ZNF804B: variants seen among roughly 807,000 people sequenced by gnomAD.
The protein encoded by ZNF804B is zinc finger 804B.
Under a neutral mutation model 101.4 loss-of-function variants are expected in ZNF804B, and 80 were observed. That is an observed-to-expected ratio of 0.79 (90% CI 0.66 to 0.95). The LOEUF (loss-of-function observed/expected upper bound fraction) is 0.95. Among genes scored for constraint, ZNF804B ranks in the 40% least tolerant of loss-of-function variants. The pLI, the probability that ZNF804B is intolerant of heterozygous loss-of-function variation, is 0.00. For missense variants in ZNF804B, 1,673 were observed against 1,561.9 expected, an observed-to-expected ratio of 1.07 and a Z score of -1.20; for synonymous variants, 622 against 558.8, an observed-to-expected ratio of 1.11 and a Z score of -1.59.
At chr7:88,872,835 T>C (rs2115884392) in intron 1 of ZNF804B, among the ~76,000 whole-genome samples, 1 of 150,268 alleles carries the variant, frequency 6.7e-6, no homozygotes, top group South Asian at 2.1e-4. Flanking sequence ...TTCCATGGTG[T>C]ATATGTGCCA....
intron 1 of ZNF804B, among the ~76,000 whole-genome samples, chr7:89,143,755 G>A (rs1443741444): frequency 6.6e-6 from 1 of 151,940 alleles, no homozygotes; most frequent in Non-Finnish European, 1.5e-5. Context: ...TCTCAAACTA[G>A]ATTCTGTTCA....
At chr7:89,277,426 C>A (rs1460429122) in intron 2 of ZNF804B, among the ~76,000 whole-genome samples, 1 of 140,028 alleles carries the variant, frequency 7.1e-6, no homozygotes, top group Admixed American at 7.3e-5. Flanking sequence ...GCGCTGCACC[C>A]ACTAACTTGT....
intron 2 of ZNF804B, among the ~76,000 whole-genome samples, chr7:89,288,894 A>T (rs189598424): frequency 3.3e-5 from 5 of 152,328 alleles, no homozygotes; most frequent in Admixed American, 6.5e-5. Context: ...ATATTTTTGT[A>T]TCTCTAAAGT....
chr7:88,971,018 T>TA (rs1562847477), intron 1 of ZNF804B, among the ~76,000 whole-genome samples: 6 of 149,956 alleles, frequency 4.0e-5, no homozygotes, highest in Admixed American at 6.7e-5. Flanking sequence ...AAATAAAGAA[T>TA]AAAAAAATAA....
chr7:89,193,273 GTT>G (rs35218765), intron 1 of ZNF804B, among the ~76,000 whole-genome samples: 2 of 145,812 alleles, frequency 1.4e-5, no homozygotes, highest in African/African-American at 5.0e-5. Context: ...CAAAAGCTTC[GTT>G]TTTTTTTTTT....
chr7:89,238,675 C>T (rs988744218), intron 2 of ZNF804B, among the ~76,000 whole-genome samples: 4 of 152,096 alleles, frequency 2.6e-5, no homozygotes, highest in South Asian at 2.1e-4. Context: ...AAAGCTTGTA[C>T]GTATCATGCT....
At chr7:89,065,847 A>G (rs1023406360) in intron 1 of ZNF804B, among the ~76,000 whole-genome samples, 4 of 152,000 alleles carry the variant, frequency 2.6e-5, no homozygotes, top group African/African-American at 7.3e-5. Context: ...TCCCTTTATA[A>G]AGACTCTTAC....
chr7:89,155,247 C>T (rs1790940124), intron 1 of ZNF804B, among the ~76,000 whole-genome samples: 1 of 152,146 alleles, frequency 6.6e-6, no homozygotes, highest in South Asian at 2.1e-4. Flanking sequence ...TGTTACTTCA[C>T]ACTGGATAAA....
chr7:88,775,096 T>C (rs1285011070), intron 1 of ZNF804B, among the ~76,000 whole-genome samples: 2 of 152,204 alleles, frequency 1.3e-5, no homozygotes, highest in Non-Finnish European at 2.9e-5. Context: ...AACAAACAGA[T>C]TTTTATTTCT....
chr7:89,209,678 G>T (rs1030656845), intron 1 of ZNF804B, among the ~76,000 whole-genome samples: 1 of 152,114 alleles, frequency 6.6e-6, no homozygotes, highest in Admixed American at 6.5e-5. Flanking sequence ...CTAATTCTCC[G>T]TGATATGAAT....
chr7:89,306,738 G>T (rs1310579532), intron 2 of ZNF804B, among the ~76,000 whole-genome samples: 3 of 151,932 alleles, frequency 2.0e-5, no homozygotes, highest in African/African-American at 7.2e-5. Flanking sequence ...AGAAAATACA[G>T]TTTATAGAAA....
chr7:88,992,534 C>T (rs1045345257), intron 1 of ZNF804B, among the ~76,000 whole-genome samples: 3 of 151,954 alleles, frequency 2.0e-5, no homozygotes, highest in Non-Finnish European at 4.4e-5. Context: ...TCTGGGCTGG[C>T]CTTAAGCGGG....
At position 89,266,790 on chromosome 7, in the gene ZNF804B, T is replaced by C. The variant is rs141986677; in HGVS notation, c.249+48495T>C. ...AGTAGAGATTTTATCAGGTATATCA[T>C]AAAAATAATTATTTATCCTTTTCAG... On this transcript the variant is annotated intron_variant, in intron 2 of 3. Coordinates refer to ENST00000333190, the MANE Select transcript of ZNF804B (RefSeq NM_181646.5). Among the ~76,000 whole-genome samples the C allele has an allele frequency of 4.2e-3, 633 of 152,146 alleles. 5 individuals carry two copies. Among genetic ancestry groups the C allele is most frequent in the African/African-American group, 0.015 (605 of 41,512 alleles).
intron 1 of ZNF804B, among the ~76,000 whole-genome samples, chr7:89,170,820 T>C (rs1468224961): frequency 1.3e-5 from 2 of 152,206 alleles, no homozygotes; most frequent in Non-Finnish European, 2.9e-5. Flanking sequence ...ACACTGCCAA[T>C]GGGCTTTCCC....
At chr7:89,126,452 C>T (rs898789226) in intron 1 of ZNF804B, among the ~76,000 whole-genome samples, 2 of 152,140 alleles carry the variant, frequency 1.3e-5, no homozygotes, top group African/African-American at 4.8e-5. Context: ...AATCCCCACA[C>T]ACATTGTGGA....
intron 3 of ZNF804B, among the ~76,000 whole-genome samples, chr7:89,331,695 G>A (rs1790985738): frequency 6.6e-6 from 1 of 151,446 alleles, no homozygotes; most frequent in Non-Finnish European, 1.5e-5. Context: ...TTTGTAAACA[G>A]ATTGAATATT....
chr7:89,029,212 T>C (rs951235127), intron 1 of ZNF804B, among the ~76,000 whole-genome samples: 16 of 94,952 alleles, frequency 1.7e-4, no homozygotes, highest in African/African-American at 6.3e-4. Flanking sequence ...CAAGCAATTC[T>C]CCTGCCTCAG....
intron 1 of ZNF804B, among the ~76,000 whole-genome samples, chr7:89,011,397 A>G (rs1788459994): frequency 2.0e-5 from 3 of 152,118 alleles, no homozygotes; most frequent in Admixed American, 6.6e-5. Flanking sequence ...ATGGTGCCCT[A>G]CAAACAGTAC....
At chr7:89,050,185 A>G (rs188338088) in intron 1 of ZNF804B, among the ~76,000 whole-genome samples, 2 of 152,250 alleles carry the variant, frequency 1.3e-5, no homozygotes, top group Admixed American at 1.3e-4. Flanking sequence ...TTTAAAGGCA[A>G]TGACAAAAAA....
Sources: gnomAD v4.1 joint callset for allele counts (sites outside exome capture counted in the v4.1 genomes callset) on GRCh38, gnomAD v4.1.1 for gene constraint, MANE v1.5 for transcripts, NCBI Gene and HGNC (gene_info 2026-07-23, HGNC 2026-07-21) for gene names.